The following RELB variants were observed in gnomAD, a reference collection of about 807,000 sequenced individuals.
RELB encodes RELB proto-oncogene, NF-kB subunit.
In RELB, 14 loss-of-function variants were observed where a neutral mutation model predicts 55.4. The ratio of observed to expected loss-of-function variants is 0.25; its 90% CI spans 0.17 to 0.40. The LOEUF is 0.40. Among genes scored for constraint, RELB ranks in the 10% least tolerant of loss-of-function variants. The probability of loss-of-function intolerance (pLI) is 1.00; values close to 1 mark genes in which losing one functional copy is unlikely to be tolerated. For synonymous variants in RELB, 409 were observed against 371.3 expected, an observed-to-expected ratio of 1.10 and a Z score of -1.17; for missense variants, 669 against 830.7, an observed-to-expected ratio of 0.81 and a Z score of 2.39.
intron 1 of RELB, among the ~76,000 whole-genome samples, 198 bp from the exon 2 acceptor site, chr19:45,002,751 C>G (rs1368060429): frequency 6.6e-6 from 1 of 152,036 alleles, no homozygotes; most frequent in Non-Finnish European, 1.5e-5. Flanking sequence ...AAGGGTGGGG[C>G]GAACCACAGA....
In RELB at chr19:45,037,405, G is replaced by T; in HGVS notation, c.1355G>T (p.Gly452Val). The T allele has an allele frequency of 2.6e-6, 4 of 1,564,520 alleles. No individual in the cohort carries two copies. Among genetic ancestry groups the T allele is most frequent in the Non-Finnish European group, 2.6e-6 (3 of 1,162,770 alleles). Reference protein sequence around the residue: ...LDHFLPNHGSGPFLPPSALLP... With the variant: ...LDHFLPNHGSVPFLPPSALLP... ...ACTTCTCTTGTCTTCATCCCCGTAG[G>T]CCCGTTCCTCCCGCCGTCAGCCCTG... is the stretch of plus-strand genomic sequence containing the variant. Residue 452 changes from glycine to valine, a missense_variant and splice_region_variant, in exon 12 of 12, where the codon GGC becomes GTC. Gly to Val is a moderately radical substitution (Grantham distance 109). Around this residue, in one of 3 missense-constraint regions of RELB, gnomAD observed 341 missense variants for 436.8 expected, o/e 0.78. Coordinates refer to ENST00000221452, the MANE Select transcript of RELB (RefSeq NM_006509.4).
intron 7 of RELB, among the ~76,000 whole-genome samples, chr19:45,027,219 C>G (rs529952492): frequency 1.6e-5 from 2 of 126,976 alleles, no homozygotes; most frequent in African/African-American, 5.5e-5. Flanking sequence ...GGCAACAGAG[C>G]GAGACTCCTT....
chr19:45,001,906 G>C (rs1023319948), intron 1 of RELB, among the ~76,000 whole-genome samples: 1 of 152,066 alleles, frequency 6.6e-6, no homozygotes, highest in Non-Finnish European at 1.5e-5. Context: ...TGTAGAGTGA[G>C]AGGGGGCGGG....
chr19:45,011,980 G>A lies in RELB; in HGVS notation c.208G>A (p.Gly70Arg). The A allele has an allele frequency of 1.1e-5, 18 of 1,572,106 alleles. No homozygotes were observed. Among genetic ancestry groups the A allele is most frequent in the Non-Finnish European group, 1.5e-5 (18 of 1,164,580 alleles). Residue 70 changes from glycine (G) to arginine (R), a missense_variant, in exon 4 of 12, where the codon GGG becomes AGG. Physicochemically the swap from Gly to Arg is moderately radical, Grantham distance 125 (BLOSUM62 -2). Around this residue, in one of 3 missense-constraint regions of RELB, gnomAD observed 323 missense variants for 368.5 expected, o/e 0.88. Coordinates refer to ENST00000221452, the MANE Select transcript of RELB (RefSeq NM_006509.4). ...CAAGGAGAACGGCTTCGGCCTGGAC[G>A]GGGGACAGCCGGGCCCGGGCGAGGG... ...YIKENGFGLD[G>R]GQPGPGEGLP...
At chr19:45,037,378 A>G in intron 11 of RELB, 27 bp from the exon 12 acceptor site, 1 of 1,522,174 alleles carries the variant, frequency 6.6e-7, no homozygotes, top group Non-Finnish European at 8.7e-7. Flanking sequence ...AAATCACACT[A>G]CACTTCTCTT....
chr19:45,015,590 C>G (rs1478611534), intron 4 of RELB, among the ~76,000 whole-genome samples: 6 of 151,954 alleles, frequency 3.9e-5, no homozygotes, highest in Non-Finnish European at 8.8e-5. Flanking sequence ...AAAAAATTAG[C>G]CAGGCGTGGT....
chr19:45,001,902 G>C (rs1178675837), intron 1 of RELB, among the ~76,000 whole-genome samples: 1 of 151,928 alleles, frequency 6.6e-6, no homozygotes, highest in Non-Finnish European at 1.5e-5. Flanking sequence ...CCGCTGTAGA[G>C]TGAGAGGGGG....
At chr19:45,023,739 T>TC in intron 5 of RELB, among the ~76,000 whole-genome samples, 1 of 99,418 alleles carries the variant, frequency 1.0e-5, no homozygotes, top group Non-Finnish European at 2.0e-5. Flanking sequence ...GTGCCCAGCC[T>TC]CTTTTTTTTT....
rs1600087101 is a variant in RELB at position 45,038,146 on chromosome 19, T to G, written c.*356T>G. The G allele has an allele frequency of 4.6e-6, 1 of 218,512 alleles. No individual in the cohort carries two copies. The allele number at this position is 218,512 out of a possible 1,614,324, so 13.5% of individuals were successfully genotyped here. On this transcript the variant is annotated 3_prime_UTR_variant, in exon 12 of 12. Coordinates refer to ENST00000221452, the MANE Select transcript of RELB (RefSeq NM_006509.4). ...CCTCCCCAGACTTGAAGGTGGGGGG[T>G]AGGTTGGTTGTTCAGAGTCTTCCCA...
At chr19:45,037,379 C>T (rs1339962328) in intron 11 of RELB, 26 bp from the exon 12 acceptor site, 3 of 1,523,308 alleles carry the variant, frequency 2.0e-6, no homozygotes, top group Non-Finnish European at 2.6e-6. Context: ...AATCACACTA[C>T]ACTTCTCTTG....
intron 5 of RELB, among the ~76,000 whole-genome samples, chr19:45,024,881 A>G (rs541165144): frequency 6.7e-6 from 1 of 148,970 alleles, no homozygotes; most frequent in Admixed American, 6.7e-5. Flanking sequence ...ATTGTTTGAG[A>G]TGGTGTCTAA....
rs1646330362 is a variant in RELB at position 45,001,585 on chromosome 19, T to G, written c.6T>G (p.Leu2=). The part of the protein sequence containing the change: M[L]RSGPASGPSV... ...CGCCCGGCCGGCCCGCGTGCATGCTTCGGTCTGGGCCAGCCTCTGGGCCGT... is the reference window on the plus strand; with the variant it reads ...CGCCCGGCCGGCCCGCGTGCATGCTGCGGTCTGGGCCAGCCTCTGGGCCGT... Residue 2 remains leucine (L), a synonymous_variant, in exon 1 of 12, where the codon CTT becomes CTG. Transcript: ENST00000221452. 6.8e-7 allele frequency: 1 copy of G among 1,461,464 alleles called. No individual in the cohort carries two copies. The highest frequency in any genetic ancestry group is 1.5e-5 in the African/African-American group (1 of 67,826). The allele number at this position is 1,461,464 out of a possible 1,614,324, so 90.5% of individuals were successfully genotyped here. A position where few individuals can be genotyped will look rare whatever the true frequency, so the allele number is the denominator to read the frequency against.
intron 5 of RELB, among the ~76,000 whole-genome samples, chr19:45,024,619 ATC>A (rs1441633280): frequency 6.6e-6 from 1 of 151,022 alleles, no homozygotes; most frequent in African/African-American, 2.4e-5. Context: ...GCATGATCTC[ATC>A]TCTCTGCAAC....
At chr19:45,019,413 T>C (rs1157171320) in intron 4 of RELB, among the ~76,000 whole-genome samples, 1 of 152,144 alleles carries the variant, frequency 6.6e-6, no homozygotes, top group Non-Finnish European at 1.5e-5. Context: ...GTAGCCATCA[T>C]GCTACTTCAC....
intron 4 of RELB, among the ~76,000 whole-genome samples, chr19:45,021,486 C>T (rs1028032336): frequency 5.4e-5 from 8 of 148,064 alleles, no homozygotes; most frequent in East Asian, 3.9e-4. Context: ...GCCTGAGTGG[C>T]CTAAAAAAGC....
chr19:45,005,531 G>A (rs987202719), intron 2 of RELB, among the ~76,000 whole-genome samples: 8 of 152,144 alleles, frequency 5.3e-5, no homozygotes, highest in African/African-American at 1.9e-4. Context: ...TCCCCAACAG[G>A]TCTGTGAGTT....
intron 9 of RELB, among the ~76,000 whole-genome samples, chr19:45,033,262 G>A (rs991648538): frequency 1.3e-5 from 2 of 152,202 alleles, no homozygotes; most frequent in African/African-American, 2.4e-5. Flanking sequence ...AGGACAGGAG[G>A]ATGACTAAGC....
At chr19:45,019,089 G>A (rs1971454086) in intron 4 of RELB, among the ~76,000 whole-genome samples, 1 of 152,036 alleles carries the variant, frequency 6.6e-6, no homozygotes, top group Non-Finnish European at 1.5e-5. Context: ...TTGAGACAGG[G>A]TCTTGCTCTA....
In RELB at chr19:45,025,506, G is replaced by A. The variant is rs536308473; in HGVS notation, c.754+86G>A. ...CACCCTGGTCCCCTCACCACTCCAG[G>A]CCCCACCGTCTCCTCCAGCCCCATC... On this transcript the variant is annotated intron_variant, in intron 6 of 11. Transcript: ENST00000221452. 593 of 1,563,226 alleles carry A rather than the reference G, an allele frequency of 3.8e-4. 2 individuals are homozygous for A. The African/African-American group carries it at 4.9e-3, about 13-fold the overall frequency.
Sources: gnomAD v4.1 joint callset for allele counts (sites outside exome capture counted in the v4.1 genomes callset) on GRCh38, gnomAD v4.1.1 for gene constraint, gnomAD v4.1.1 regional missense constraint, MANE v1.5 for transcripts, NCBI Gene and HGNC (gene_info 2026-07-23, HGNC 2026-07-21) for gene names.